PHACTR2: variants seen among roughly 807,000 people sequenced by gnomAD.
PHACTR2 encodes chromosome 6 open reading frame 56.
A neutral mutation model predicts 76.0 loss-of-function variants in PHACTR2; 30 were observed. The observed-to-expected ratio is 0.39, with a 90% confidence interval of 0.30 to 0.54. PHACTR2 has a LOEUF of 0.54. Among genes scored for constraint, PHACTR2 ranks in the 20% least tolerant of loss-of-function variants. The pLI, the probability that PHACTR2 is intolerant of heterozygous loss-of-function variation, is 0.61. For synonymous variants in PHACTR2, 292 were observed against 292.5 expected, an observed-to-expected ratio of 1.00 and a Z score of 0.02; for missense variants, 696 against 781.1, an observed-to-expected ratio of 0.89 and a Z score of 1.30.
rs1260169165 is a variant in PHACTR2, at chr6:143,710,880, A to G, written c.47-1136A>G. Among the ~76,000 whole-genome samples the G allele has an allele frequency of 6.6e-6, 1 of 152,180 alleles. No individual in the cohort carries two copies. Among genetic ancestry groups the G allele is most frequent in the Non-Finnish European group, 1.5e-5 (1 of 68,026 alleles). ...CTACCAGCTGGATTCAACACTTAAC[A>G]TTTTGCTATATTTTACTTTATTGCA... is the stretch of plus-strand genomic sequence containing the variant. On this transcript the variant is annotated intron_variant, in intron 1 of 12. Coordinates refer to ENST00000440869, the MANE Select transcript of PHACTR2 (RefSeq NM_001100164.2). The surrounding 1 kb of genome is among the most constrained non-coding windows in gnomAD (Gnocchi z 4.9).
At chr6:143,814,067 A>G (rs754462956) in intron 12 of PHACTR2, among the ~76,000 whole-genome samples, 4 of 152,222 alleles carry the variant, frequency 2.6e-5, no homozygotes, top group Non-Finnish European at 5.9e-5. Context: ...TTTAAAAATC[A>G]TAAGGAGGCC....
rs1306575628 is a variant in PHACTR2, at chr6:143,611,895, G to T, written c.13+3573G>T. ...CATTGGATATGCATCAGCAGAGCACGACGAGTGGATATGGAGGCAGGGAGA... is the reference window on the plus strand; with the variant it reads ...CATTGGATATGCATCAGCAGAGCACTACGAGTGGATATGGAGGCAGGGAGA... On this transcript the variant is annotated intron_variant, in intron 1 of 11. Coordinates refer to the PHACTR2 transcript ENST00000305766. This position sits in a 1 kb window ranked among gnomAD's most constrained non-coding sequence, Gnocchi z 4.4. Among the ~76,000 whole-genome samples, 2 of 152,182 alleles carry T rather than the reference G, an allele frequency of 1.3e-5. No homozygotes were observed. The highest frequency in any genetic ancestry group is 1.3e-4 in the Admixed American group (2 of 15,282).
rs1442285573 is a variant in PHACTR2 at position 143,585,286 on chromosome 6, C to T, written c.217+48079C>T. On this transcript the variant is annotated intron_variant, in intron 1 of 11. Transcript: ENST00000367584. This position sits in a 1 kb window ranked among gnomAD's most constrained non-coding sequence, Gnocchi z 5.2. ...TGTTGGAAACCCAGCTAAGAAGTCA[C>T]TGTCAGGAAGCAGGTCTGTCCATTG... is the stretch of plus-strand genomic sequence containing the variant. Among the ~76,000 whole-genome samples the T allele has an allele frequency of 1.3e-5, 2 of 152,150 alleles. No individual in the cohort carries two copies. Among genetic ancestry groups the T allele is most frequent in the Non-Finnish European group, 2.9e-5 (2 of 68,026 alleles).
At chr6:143,626,222 T>C (rs1227545159) in intron 1 of PHACTR2, among the ~76,000 whole-genome samples, 1 of 152,120 alleles carries the variant, frequency 6.6e-6, no homozygotes, top group Non-Finnish European at 1.5e-5. Flanking sequence ...AAACCTTTAG[T>C]GGCCCAAATT....
intron 7 of PHACTR2, among the ~76,000 whole-genome samples, chr6:143,773,791 CT>C (rs566372270): frequency 2.0e-4 from 30 of 152,218 alleles, no homozygotes; most frequent in Non-Finnish European, 3.8e-4. Flanking sequence ...GCAGCTATCA[CT>C]TTCCAAACGA....
At chr6:143,720,089 A>G (rs9386044) in intron 2 of PHACTR2, among the ~76,000 whole-genome samples, 89,856 of 151,818 alleles carry the variant, frequency 0.59, 27,517 homozygotes, top group African/African-American at 0.76. Context: ...TGGGATTATA[A>G]GTGTGCGCCA....
At chr6:143,693,094 G>A (rs1345449078) in intron 1 of PHACTR2, among the ~76,000 whole-genome samples, 4 of 152,042 alleles carry the variant, frequency 2.6e-5, no homozygotes, top group East Asian at 3.9e-4. Context: ...CCACCCATAT[G>A]ACCTCATTTT....
At chr6:143,572,531 T>G (rs975293464) in intron 1 of PHACTR2, among the ~76,000 whole-genome samples, 12 of 152,134 alleles carry the variant, frequency 7.9e-5, no homozygotes, top group African/African-American at 1.7e-4. Context: ...TTGTTTGTTT[T>G]TTTGTTTTGT....
chr6:143,677,983 G>A lies in PHACTR2; in HGVS notation c.-181G>A. On this transcript the variant is annotated 5_prime_UTR_variant, in exon 1 of 13. Transcript: ENST00000440869. ...GACAGGCATCCGCTGGGCAGGATCC[G>A]CCGCGCCGGCTGCGGCCGGCCGGGC... 1 of 1,378,372 alleles carries A rather than the reference G, an allele frequency of 7.3e-7. No homozygotes were observed. The highest frequency in any genetic ancestry group is 9.5e-7 in the Non-Finnish European group (1 of 1,055,298). The allele number at this position is 1,378,372 out of a possible 1,614,324, so 85.4% of individuals were successfully genotyped here. A position where few individuals can be genotyped will look rare whatever the true frequency, so the allele number is the denominator to read the frequency against.
rs1776527655 is a variant in PHACTR2 at position 143,826,227 on chromosome 6, A to C, written c.*2538A>C. 6.6e-6 allele frequency: 1 copy of C among 152,250 alleles called. No individual in the cohort carries two copies. The highest frequency in any genetic ancestry group is 1.5e-5 in the Non-Finnish European group (1 of 68,058). 9.4% of individuals were successfully genotyped at this position (152,250 alleles called of 1,614,324 possible). The stretch of plus-strand genomic sequence containing the variant: ...TATTTTAGTAGAGCAGAGATGAGAC[A>C]TATCCCCACCGGCCACCCAGCCAGA... On this transcript the variant is annotated 3_prime_UTR_variant, in exon 13 of 13. Transcript: ENST00000440869.
In PHACTR2 at chr6:143,816,839, G is replaced by A. The variant is rs1465780890; in HGVS notation, c.1923-6835G>A. Among the ~76,000 whole-genome samples the A allele has an allele frequency of 1.3e-5, 2 of 152,206 alleles. No homozygotes were observed. The highest frequency in any genetic ancestry group is 2.9e-5 in the Non-Finnish European group (2 of 68,036). On this transcript the variant is annotated intron_variant, in intron 12 of 12. Coordinates refer to ENST00000440869, the MANE Select transcript of PHACTR2 (RefSeq NM_001100164.2). This position sits in a 1 kb window ranked among gnomAD's most constrained non-coding sequence, Gnocchi z 4.5. ...CCAGCACTTTGGGAGGCTGAGGCGG[G>A]AGGATCGCTTGAGGCCAGGAGTTCA...
chr6:143,713,654 G>A (rs17072962), intron 2 of PHACTR2, among the ~76,000 whole-genome samples: 13,350 of 152,174 alleles, frequency 0.088, 754 homozygotes, highest in South Asian at 0.18. Flanking sequence ...CTGCAAAATC[G>A]GGTAGTTGAA....
In PHACTR2 at chr6:143,662,700, G is replaced by A. The variant is rs1444202752; in HGVS notation, c.14-49316G>A. 6.6e-6 allele frequency among the ~76,000 whole-genome samples: 1 copy of A among 152,104 alleles called. No homozygotes were observed. The highest frequency in any genetic ancestry group is 1.5e-5 in the Non-Finnish European group (1 of 68,018). The stretch of plus-strand genomic sequence containing the variant: ...GCAGTTTTGTTTTTCATCTTGAATT[G>A]TGAATTGTCTTCACCTATATTACAA... On this transcript the variant is annotated intron_variant, in intron 1 of 11. Coordinates refer to the PHACTR2 transcript ENST00000305766. This position sits in a 1 kb window ranked among gnomAD's most constrained non-coding sequence, Gnocchi z 4.7.
rs77232878 is a variant in PHACTR2, at chr6:143,546,358, A to T, written c.217+9151A>T. ...CGTAACAGGAAGAAACTTGTGACTT[A>T]AAAAAAAAAAAAAACATGTTATCTC... On this transcript the variant is annotated intron_variant, in intron 1 of 11. Coordinates refer to the PHACTR2 transcript ENST00000367584. This position sits in a 1 kb window ranked among gnomAD's most constrained non-coding sequence, Gnocchi z 4.9. Among the ~76,000 whole-genome samples, 3 of 67,314 alleles carry T rather than the reference A, an allele frequency of 4.5e-5. No individual in the cohort carries two copies. Among genetic ancestry groups the T allele is most frequent in the Admixed American group, 1.3e-4 (1 of 7,536 alleles). 44.2% of individuals were successfully genotyped at this position (67,314 alleles called of 152,430 possible).
In PHACTR2 at chr6:143,617,597, C is replaced by G. The variant is rs1776077452; in HGVS notation, c.13+9275C>G. On this transcript the variant is annotated intron_variant, in intron 1 of 11. Coordinates refer to the PHACTR2 transcript ENST00000305766. This position sits in a 1 kb window ranked among gnomAD's most constrained non-coding sequence, Gnocchi z 4.8. ...GTGACAACCACTGTTAGAGTCCTCTCTCTTTCTCTCTTTTCTTTCCCCTTT... is the reference window on the plus strand; with the variant it reads ...GTGACAACCACTGTTAGAGTCCTCTGTCTTTCTCTCTTTTCTTTCCCCTTT... 6.6e-6 allele frequency among the ~76,000 whole-genome samples: 1 copy of G among 152,214 alleles called. No individual in the cohort carries two copies. The highest frequency in any genetic ancestry group is 1.5e-5 in the Non-Finnish European group (1 of 68,050).
rs1236549971 is a variant in PHACTR2, at chr6:143,624,463, C to T, written c.13+16141C>T. On this transcript the variant is annotated intron_variant, in intron 1 of 11. Coordinates refer to the PHACTR2 transcript ENST00000305766. This position sits in a 1 kb window ranked among gnomAD's most constrained non-coding sequence, Gnocchi z 4.6. ...AGTCATAGTTACTAATTCATATTCACACAATATCACCACAACATGGACATT... is the reference window on the plus strand; with the variant it reads ...AGTCATAGTTACTAATTCATATTCATACAATATCACCACAACATGGACATT... 1.3e-5 allele frequency among the ~76,000 whole-genome samples: 2 copies of T among 152,204 alleles called. No homozygotes were observed. Among genetic ancestry groups the T allele is most frequent in the Non-Finnish European group, 2.9e-5 (2 of 68,040 alleles).
In PHACTR2 at chr6:143,662,634, C is replaced by T. The variant is rs2128448708; in HGVS notation, c.14-49382C>T. On this transcript the variant is annotated intron_variant, in intron 1 of 11. Transcript: ENST00000305766. The surrounding 1 kb of genome is among the most constrained non-coding windows in gnomAD (Gnocchi z 4.7). ...AATGCAAAACAGTAATATTTAAATTCACCTTCCTACTAGGGATGTTTCAGT... is the reference window on the plus strand; with the variant it reads ...AATGCAAAACAGTAATATTTAAATTTACCTTCCTACTAGGGATGTTTCAGT... Among the ~76,000 whole-genome samples, 1 of 152,190 alleles carries T rather than the reference C, an allele frequency of 6.6e-6. No individual in the cohort carries two copies. The highest frequency in any genetic ancestry group is 2.1e-4 in the South Asian group (1 of 4,754).
At chr6:143,650,554 C>T (rs1776742564) in intron 1 of PHACTR2, among the ~76,000 whole-genome samples, 1 of 152,156 alleles carries the variant, frequency 6.6e-6, no homozygotes, top group East Asian at 1.9e-4. Flanking sequence ...TGATCTTCAA[C>T]AAACCTGACA....
At chr6:143,778,735 C>T (rs560189609) in intron 9 of PHACTR2, among the ~76,000 whole-genome samples, 8 of 152,094 alleles carry the variant, frequency 5.3e-5, no homozygotes, top group Non-Finnish European at 7.4e-5. Context: ...GCAGACCCTA[C>T]GCTCCTAAAA....
Sources: gnomAD v4.1 joint callset for allele counts (sites outside exome capture counted in the v4.1 genomes callset) on GRCh38, gnomAD v4.1.1 for gene constraint, Gnocchi (gnomAD v3.1) non-coding constraint, MANE v1.5 for transcripts, NCBI Gene and HGNC (gene_info 2026-07-23, HGNC 2026-07-21) for gene names.